Variants in ANO5 observed in about 807,000 individuals in gnomAD.
ANO5 encodes anoctamin 5.
ANO5 carries 109 observed loss-of-function variants against 121.0 expected under a neutral mutation model. The observed-to-expected ratio is 0.90, with a 90% CI of 0.77 to 1.06. ANO5 has a LOEUF of 1.06. ANO5 is among the 50% of genes least tolerant of loss of function. The pLI is 0.00. For synonymous variants in ANO5, 406 were observed against 359.9 expected, an observed-to-expected ratio of 1.13 and a Z score of -1.45; for missense variants, 1,064 against 1,078.5, an observed-to-expected ratio of 0.99 and a Z score of 0.19.
chr11:22,208,213 A>G (rs1408075504), intron 2 of ANO5, among the ~76,000 whole-genome samples: 1 of 152,074 alleles, frequency 6.6e-6, no homozygotes, highest in African/African-American at 2.4e-5. Context: ...ATATATTCAT[A>G]CGCAAAACCT....
In ANO5 at chr11:22,204,630, A is replaced by AG. The variant is rs1265100587; in HGVS notation, c.87+783dup. The stretch of plus-strand genomic sequence containing the variant: ...GCTCATTAAGATTCCTAGAAGTTAC[A>AG]GGGTTCCTTTAAAAGTTCAGTGACC... On this transcript the variant is annotated intron_variant, in intron 2 of 21. Coordinates refer to ENST00000324559, the MANE Select transcript of ANO5 (RefSeq NM_213599.3). Among the ~76,000 whole-genome samples, 3 of 152,190 alleles carry AG rather than the reference A, an allele frequency of 2.0e-5. No homozygotes were observed. The East Asian group carries it at 5.8e-4, about 29-fold the overall frequency.
chr11:22,266,150 G>T (rs542759369), intron 17 of ANO5, among the ~76,000 whole-genome samples: 1 of 152,224 alleles, frequency 6.6e-6, no homozygotes, highest in South Asian at 2.1e-4. Flanking sequence ...GCAAGGAAGT[G>T]ATTATTATAA....
intron 9 of ANO5, among the ~76,000 whole-genome samples, chr11:22,246,752 A>G (rs572804588): frequency 5.6e-4 from 82 of 147,316 alleles, no homozygotes; most frequent in African/African-American, 1.9e-3. Context: ...GCTACTTTGG[A>G]GGCTGAGGCA....
chr11:22,268,778 G>A (rs2133770319), intron 17 of ANO5, among the ~76,000 whole-genome samples: 1 of 152,276 alleles, frequency 6.6e-6, no homozygotes, highest in African/African-American at 2.4e-5. Flanking sequence ...CATTTTGGGA[G>A]GCTGAGGAGG....
At chr11:22,246,615 T>C (rs978077426) in intron 9 of ANO5, among the ~76,000 whole-genome samples, 1 of 151,992 alleles carries the variant, frequency 6.6e-6, no homozygotes, top group African/African-American at 2.4e-5. Flanking sequence ...GGCAGGCAGA[T>C]CACTTTAGGT....
chr11:22,203,368 G>A (rs970991185), intron 1 of ANO5, among the ~76,000 whole-genome samples: 7 of 152,110 alleles, frequency 4.6e-5, no homozygotes, highest in African/African-American at 1.7e-4. Flanking sequence ...TCTGGCCTGT[G>A]TAGAAACTGG....
At chr11:22,245,056 A>T (rs940655141) in intron 9 of ANO5, among the ~76,000 whole-genome samples, 1 of 152,322 alleles carries the variant, frequency 6.6e-6, no homozygotes, top group African/African-American at 2.4e-5. Context: ...GGGTGCTTTC[A>T]GAGAGCCAAG....
intron 1 of ANO5, among the ~76,000 whole-genome samples, chr11:22,202,698 A>G (rs1232348637): frequency 6.6e-6 from 1 of 152,158 alleles, no homozygotes; most frequent in African/African-American, 2.4e-5. Flanking sequence ...CCCATTCATA[A>G]GAGCTCTGCA....
chr11:22,226,046 C>A lies in ANO5; in HGVS notation c.357C>A (p.Asp119Glu). 6.2e-7 allele frequency: 1 copy of A among 1,602,734 alleles called. No individual in the cohort carries two copies. Among genetic ancestry groups the A allele is most frequent in the Non-Finnish European group, 8.5e-7 (1 of 1,170,386 alleles). ...RKTGLELEIEDKRDSEDGRTY... is the reference protein window; with the variant it reads ...RKTGLELEIEEKRDSEDGRTY... The stretch of plus-strand genomic sequence containing the variant: ...CAGGTCTTGAGTTGGAAATAGAAGA[C>A]AAAAGGGTAAATGTAGTTGATAATT... Residue 119 changes from aspartate (D) to glutamate (E), a missense_variant, in exon 6 of 22, where the codon GAC becomes GAA. By Grantham distance (45) the Asp-to-Glu change is conservative (BLOSUM62 2). Coordinates refer to ENST00000324559, the MANE Select transcript of ANO5 (RefSeq NM_213599.3).
chr11:22,276,490 A>G (rs1854856821), intron 21 of ANO5, among the ~76,000 whole-genome samples: 1 of 151,780 alleles, frequency 6.6e-6, no homozygotes, highest in East Asian at 1.9e-4. Context: ...ATTTTAGAGA[A>G]TACCTATTAC....
Position 22,236,363 on chromosome 11 carries a change from G to A in ANO5, c.762+87G>A, listed in dbSNP as rs11026471. On this transcript the variant is annotated intron_variant, in intron 8 of 21. Transcript: ENST00000324559. The stretch of plus-strand genomic sequence containing the variant: ...GGAGAGAGAATCTTCCTTTACTTCA[G>A]TTGCTTAGTTTTCTCTCATGGTGGG... 52,562 of 1,116,780 alleles carry A rather than the reference G, an allele frequency of 0.047. 8,896 individuals carry two copies. In the African/African-American group the frequency reaches 0.48, roughly 10 times the overall value. The allele number at this position is 1,116,780 out of a possible 1,614,324, so 69.2% of individuals were successfully genotyped here. A position where few individuals can be genotyped will look rare whatever the true frequency, so the allele number is the denominator to read the frequency against.
chr11:22,197,293 A>G (rs915337308), intron 1 of ANO5, among the ~76,000 whole-genome samples: 3 of 152,136 alleles, frequency 2.0e-5, no homozygotes, highest in African/African-American at 7.2e-5. Flanking sequence ...TTAATAGAGC[A>G]CTTAATTAGT....
chr11:22,201,382 C>T (rs1379179977), intron 1 of ANO5, among the ~76,000 whole-genome samples: 2 of 152,168 alleles, frequency 1.3e-5, no homozygotes, highest in Non-Finnish European at 2.9e-5. Flanking sequence ...AATTGAAACC[C>T]TGACAAGTGC....
In ANO5 at chr11:22,282,022, A is replaced by G. The variant is rs1855099436; in HGVS notation, c.*2257A>G. The G allele has an allele frequency of 6.6e-6, 1 of 152,124 alleles. No individual in the cohort carries two copies. Among genetic ancestry groups the G allele is most frequent in the Non-Finnish European group, 1.5e-5 (1 of 67,966 alleles). 9.4% of individuals were successfully genotyped at this position (152,124 alleles called of 1,614,324 possible). On this transcript the variant is annotated 3_prime_UTR_variant, in exon 22 of 22. Transcript: ENST00000324559. ...TCGTCACTTTCCTGAAACCATGCTA[A>G]CCAAAATCAGTAGCCAAACCAATTC...
intron 4 of ANO5, among the ~76,000 whole-genome samples, 190 bp from the exon 5 acceptor site, chr11:22,220,907 A>G (rs941594345): frequency 2.0e-5 from 3 of 151,950 alleles, no homozygotes; most frequent in African/African-American, 7.2e-5. Flanking sequence ...TAACATGCTT[A>G]TCTTCCTCCT....
rs1354488429 is a variant in ANO5 at position 22,270,369 on chromosome 11, T to C, written c.1956T>C (p.Tyr652=). ...CTCGGACAAACTCTGAGAAGCTGTA[T>C]AGTCGATGGGAGCAGGATCATGACC... ...RKARTNSEKL[Y]SRWEQDHDLE... Residue 652 remains tyrosine (Y), a synonymous_variant, in exon 18 of 22, where the codon TAT becomes TAC. Coordinates refer to ENST00000324559, the MANE Select transcript of ANO5 (RefSeq NM_213599.3). 1.2e-6 allele frequency: 2 copies of C among 1,614,168 alleles called. No individual in the cohort carries two copies. Among genetic ancestry groups the C allele is most frequent in the Non-Finnish European group, 1.7e-6 (2 of 1,180,012 alleles).
At chr11:22,219,296 G>A (rs988721605) in intron 4 of ANO5, among the ~76,000 whole-genome samples, 2 of 151,930 alleles carry the variant, frequency 1.3e-5, no homozygotes, top group African/African-American at 2.4e-5. Flanking sequence ...TGAGCACTCC[G>A]GAAAATCACT....
intron 1 of ANO5, among the ~76,000 whole-genome samples, chr11:22,200,325 T>G (rs1052068494): frequency 6.6e-5 from 10 of 152,174 alleles, no homozygotes. Flanking sequence ...CTCTATATGT[T>G]TTCCCATCAT....
chr11:22,255,448 G>C lies in ANO5; in HGVS notation c.1258G>C (p.Glu420Gln), dbSNP rs749430702. 1 of 1,613,432 alleles carries C rather than the reference G, an allele frequency of 6.2e-7. No individual in the cohort carries two copies. The highest frequency in any genetic ancestry group is 2.2e-5 in the East Asian group (1 of 44,850). ...YEWDLVDFEE[E>Q]QQQLQLRPEF... is the part of the protein sequence containing the mutation. Reference sequence around the variant, plus strand: ...ATGGGACCTGGTGGACTTTGAAGAGGAACAGCAGCAGCTTCAGCTGAGACC... The same window carrying C: ...ATGGGACCTGGTGGACTTTGAAGAGCAACAGCAGCAGCTTCAGCTGAGACC... Residue 420 changes from glutamate to glutamine, a missense_variant, in exon 13 of 22, where the codon GAA becomes CAA. Glu to Gln is a conservative substitution (Grantham distance 29, BLOSUM62 2). Coordinates refer to ENST00000324559, the MANE Select transcript of ANO5 (RefSeq NM_213599.3).
Sources: allele counts gnomAD v4.1 joint callset (sites outside exome capture counted in the v4.1 genomes callset), GRCh38; gene constraint gnomAD v4.1.1; transcripts MANE v1.5; gene names NCBI Gene and HGNC (gene_info 2026-07-23, HGNC 2026-07-21).